Variants in IRF6 observed in about 807,000 individuals in gnomAD.
IRF6 encodes the protein interferon regulatory factor 6.
A neutral mutation model predicts 51.4 loss-of-function variants in IRF6; 6 were observed. That is an observed-to-expected ratio of 0.12 (90% confidence interval 0.06 to 0.23). IRF6 has a LOEUF of 0.23. Ranked by LOEUF, IRF6 falls within the 10% of genes least tolerant of loss-of-function variation. The pLI is 1.00. For synonymous variants in IRF6, 178 were observed against 215.7 expected (o/e 0.83, Z 1.53); for missense variants, 348 against 585.2 (o/e 0.59, Z 4.18).
At chr1:209,793,718 C>G (rs1329765266) in intron 5 of IRF6, among the ~76,000 whole-genome samples, 1 of 152,138 alleles carries the variant, frequency 6.6e-6, no homozygotes, top group Non-Finnish European at 1.5e-5. Flanking sequence ...TCATCCTCCT[C>G]CCACCCTCCG....
chr1:209,800,294 T>C (rs1184953977), intron 3 of IRF6, among the ~76,000 whole-genome samples: 1 of 152,258 alleles, frequency 6.6e-6, no homozygotes, highest in Non-Finnish European at 1.5e-5. Context: ...TGGTTTCACT[T>C]AAATTTTGTA....
At position 209,789,693 on chromosome 1, in the gene IRF6, A is replaced by T. The variant is rs61099902; in HGVS notation, c.1153T>A (p.Leu385Met). Residue 385 changes from leucine (L) to methionine (M), a missense_variant, in exon 8 of 9, where the codon TTG becomes ATG. Physicochemically the swap from Leu to Met is conservative, Grantham distance 15 (BLOSUM62 2). Transcript: ENST00000367021. ...TGAACCAAGATGAGTTTCCTTTCCA[A>T]TGGTTTCCCATCTGGCCATTCTTCC... is the stretch of plus-strand genomic sequence containing the variant. The part of the protein sequence containing the change: ...FGEEWPDGKP[L>M]ERKLILVQVI... The T allele has an allele frequency of 6.2e-7, 1 of 1,613,512 alleles. No individual in the cohort carries two copies. The highest frequency in any genetic ancestry group is 8.5e-7 in the Non-Finnish European group (1 of 1,179,490).
Position 209,789,729 on chromosome 1 carries a change from A to G in IRF6, c.1117T>C (p.Leu373=). The G allele has an allele frequency of 6.2e-7, 1 of 1,614,162 alleles. No individual in the cohort carries two copies. The highest frequency in any genetic ancestry group is 8.5e-7 in the Non-Finnish European group (1 of 1,180,004). Residue 373 remains leucine, a synonymous_variant, in exon 8 of 9, where the codon TTA becomes CTA. Transcript: ENST00000367021. ...TCTGGCCATTCTTCCCCAAAGCATA[A>G]GTAGATCTCAAACGGTGGCTGCTTC... is the stretch of plus-strand genomic sequence containing the variant. ...IEKQPPFEIY[L]CFGEEWPDGK...
intron 8 of IRF6, among the ~76,000 whole-genome samples, chr1:209,789,196 T>G (rs2077853193): frequency 1.3e-5 from 2 of 152,000 alleles, no homozygotes; most frequent in Admixed American, 1.3e-4. Context: ...TGGTAGCCTG[T>G]GCCTGTTGTC....
chr1:209,805,464 T>A (rs1224665819), intron 1 of IRF6, among the ~76,000 whole-genome samples: 1 of 152,160 alleles, frequency 6.6e-6, no homozygotes, highest in Non-Finnish European at 1.5e-5. Context: ...AGGGCCTAAC[T>A]GTGCCAAACA....
At chr1:209,794,619 A>T (rs547680229) in intron 5 of IRF6, among the ~76,000 whole-genome samples, 7 of 152,342 alleles carry the variant, frequency 4.6e-5, no homozygotes, top group African/African-American at 1.7e-4. Flanking sequence ...TTTGCGTAGG[A>T]GCATTTCAGT....
Position 209,796,557 on chromosome 1 carries a change from G to T in IRF6, c.175-5C>A. On this transcript the variant is annotated splice_polypyrimidine_tract_variant and splice_region_variant and intron_variant, in intron 3 of 8. Coordinates refer to ENST00000367021, the MANE Select transcript of IRF6 (RefSeq NM_006147.4). The surrounding 1 kb of genome is among the most constrained non-coding windows in gnomAD (Gnocchi z 4.5). ...CCCTGTCTCTACAGCCCAGGCCTGA[G>T]AACAAGAAACCACAGTGAGTCCTAT... 1 of 1,610,878 alleles carries T rather than the reference G, an allele frequency of 6.2e-7. No individual in the cohort carries two copies. Among genetic ancestry groups the T allele is most frequent in the Non-Finnish European group, 8.5e-7 (1 of 1,179,228 alleles).
chr1:209,800,521 C>T (rs969951929), intron 3 of IRF6, among the ~76,000 whole-genome samples: 2 of 152,134 alleles, frequency 1.3e-5, no homozygotes, highest in African/African-American at 4.8e-5. Flanking sequence ...CTCTGGGAGG[C>T]TAAGGAGGGA....
At chr1:209,805,155 C>T (rs1054797256) in intron 1 of IRF6, among the ~76,000 whole-genome samples, 4 of 152,176 alleles carry the variant, frequency 2.6e-5, no homozygotes, top group Non-Finnish European at 5.9e-5. Flanking sequence ...CAATCCCACC[C>T]AAGCGCCTTC....
At chr1:209,792,030 C>A (rs1020442698) in intron 6 of IRF6, among the ~76,000 whole-genome samples, 6 of 152,208 alleles carry the variant, frequency 3.9e-5, no homozygotes, top group Non-Finnish European at 8.8e-5. Flanking sequence ...AAGCACTCCT[C>A]CCACCTCAGC....
chr1:209,792,158 G>GA, intron 6 of IRF6, 111 bp downstream of exon 6: 1 of 1,205,936 alleles, frequency 8.3e-7, no homozygotes. Context: ...GGATGCCTCT[G>GA]AGACAGGTAG....
rs2077858136 is a variant in IRF6 at position 209,789,796 on chromosome 1, T to C, written c.1061-11A>G. 6.3e-7 allele frequency: 1 copy of C among 1,591,316 alleles called. No individual in the cohort carries two copies. The highest frequency in any genetic ancestry group is 8.6e-7 in the Non-Finnish European group (1 of 1,160,006). On this transcript the variant is annotated splice_polypyrimidine_tract_variant and intron_variant, in intron 7 of 8. Transcript: ENST00000367021. The stretch of plus-strand genomic sequence containing the variant: ...GGTGGGCAATGAGATCTGCAGAAAG[T>C]GGAAGAGCAAGTTTGGTATACTGGG...
At chr1:209,801,190 A>G in intron 3 of IRF6, 50 bp downstream of exon 3, 1 of 1,476,020 alleles carries the variant, frequency 6.8e-7, no homozygotes, top group Non-Finnish European at 9.1e-7. Context: ...TGCCAAAAAA[A>G]AAAAAAAAAA....
Position 209,796,478 on chromosome 1 carries a change from C to T in IRF6, c.249G>A (p.Leu83=), listed in dbSNP as rs376504636. 2.5e-6 allele frequency: 4 copies of T among 1,614,052 alleles called. No homozygotes were observed. The highest frequency in any genetic ancestry group is 3.4e-6 in the Non-Finnish European group (4 of 1,180,022). The change falls in exon 4 of 9, where the codon CTG becomes CTA. Residue 83 remains leucine, a synonymous_variant. Coordinates refer to ENST00000367021, the MANE Select transcript of IRF6 (RefSeq NM_006147.4). This position sits in a 1 kb window ranked among gnomAD's most constrained non-coding sequence, Gnocchi z 4.5. ...CTCTGCTCTTATTGAGAGCACAGCG[C>T]AGCTGGGCCTTCCATTTAGCTGGGT... is the stretch of plus-strand genomic sequence containing the variant. ...DPDPAKWKAQ[L]RCALNKSREF...
In IRF6 at chr1:209,790,950, C is replaced by T. The variant is rs2077865572; in HGVS notation, c.668-63G>A. 8.7e-6 allele frequency: 14 copies of T among 1,609,572 alleles called. No individual in the cohort carries two copies. The highest frequency in any genetic ancestry group is 1.1e-5 in the Non-Finnish European group (13 of 1,179,962). On this transcript the variant is annotated intron_variant, in intron 6 of 8. Transcript: ENST00000367021. The surrounding 1 kb of genome is among the most constrained non-coding windows in gnomAD (Gnocchi z 4.8). ...CTGCTCTGCCTGTTCATCCCTGTGA[C>T]TCATGCAAGTCCATTAAGATCAAGC...
At chr1:209,798,485 C>T (rs2077918445) in intron 3 of IRF6, among the ~76,000 whole-genome samples, 1 of 152,226 alleles carries the variant, frequency 6.6e-6, no homozygotes. Flanking sequence ...GGAGAGCAGC[C>T]AGACCAACCC....
At chr1:209,801,169 T>G in intron 3 of IRF6, 71 bp downstream of exon 3, 1 of 1,289,818 alleles carries the variant, frequency 7.8e-7, no homozygotes, top group South Asian at 1.2e-5. Flanking sequence ...TTAGATCTAG[T>G]GTATTCCCCA....
intron 3 of IRF6, among the ~76,000 whole-genome samples, chr1:209,798,905 T>C (rs2077921818): frequency 3.5e-5 from 2 of 57,334 alleles, no homozygotes; most frequent in Non-Finnish European, 6.8e-5. Context: ...CAAGACTCTG[T>C]CTCAAAAAAA....
At chr1:209,794,932 G>A (rs567547864) in intron 5 of IRF6, among the ~76,000 whole-genome samples, 69 of 152,334 alleles carry the variant, frequency 4.5e-4, no homozygotes, top group African/African-American at 1.7e-3. Context: ...TATTAGAAGA[G>A]TTTGCCCGTA....
Sources: gnomAD v4.1 joint callset for allele counts (sites outside exome capture counted in the v4.1 genomes callset) on GRCh38, gnomAD v4.1.1 for gene constraint, Gnocchi (gnomAD v3.1) non-coding constraint, MANE v1.5 for transcripts, NCBI Gene and HGNC (gene_info 2026-07-23, HGNC 2026-07-21) for gene names.